CTNNA3: variants seen among roughly 807,000 people sequenced by gnomAD.
The protein encoded by CTNNA3 is catenin alpha-3.
In CTNNA3, 76 loss-of-function variants were observed where a neutral mutation model predicts 95.7. That is an observed-to-expected ratio of 0.79 (90% CI 0.66 to 0.96). The LOEUF is 0.96. CTNNA3 is among the 40% of genes least tolerant of loss of function. The pLI is 0.00. For synonymous variants in CTNNA3, 431 were observed against 374.4 expected (o/e 1.15, Z -1.74); for missense variants, 1,191 against 1,089.8 (o/e 1.09, Z -1.31).
chr10:66,785,504 C>G (rs752786432), intron 7 of CTNNA3, among the ~76,000 whole-genome samples: 2 of 152,176 alleles, frequency 1.3e-5, no homozygotes, highest in Non-Finnish European at 2.9e-5. Context: ...GCATCTTCTC[C>G]TGCCCTCAGA....
chr10:66,506,156 T>C (rs943825087), intron 11 of CTNNA3, among the ~76,000 whole-genome samples: 4 of 152,050 alleles, frequency 2.6e-5, no homozygotes, highest in African/African-American at 9.7e-5. Context: ...GAGTGAGAAT[T>C]CACTCATTAC....
chr10:66,189,055 A>G (rs949948217), intron 13 of CTNNA3, among the ~76,000 whole-genome samples: 79 of 152,132 alleles, frequency 5.2e-4, no homozygotes, highest in African/African-American at 1.9e-3. Flanking sequence ...TCCTTTGCTC[A>G]CTTTTTAAAT....
intron 7 of CTNNA3, among the ~76,000 whole-genome samples, chr10:67,121,346 C>G (rs1589762186): frequency 6.6e-6 from 1 of 151,968 alleles, no homozygotes; most frequent in Non-Finnish European, 1.5e-5. Context: ...CTGATAGACA[C>G]CAGAATAAAT....
At chr10:67,253,241 T>A (rs936087082) in intron 5 of CTNNA3, among the ~76,000 whole-genome samples, 1 of 152,158 alleles carries the variant, frequency 6.6e-6, no homozygotes. Context: ...AGCATAGATG[T>A]GCTAGAGGAA....
intron 10 of CTNNA3, among the ~76,000 whole-genome samples, chr10:66,571,614 G>A (rs550478895): frequency 7.9e-5 from 12 of 152,118 alleles, no homozygotes; most frequent in African/African-American, 2.9e-4. Flanking sequence ...GTTCAAGGTA[G>A]TATACATATG....
At chr10:65,929,630 G>A (rs1227340676) in intron 17 of CTNNA3, among the ~76,000 whole-genome samples, 12 of 150,232 alleles carry the variant, frequency 8.0e-5, no homozygotes, top group Admixed American at 2.0e-4. Context: ...GTACAGTGGC[G>A]CAATCTCGGC....
At chr10:66,017,660 A>C (rs1420173952) in intron 15 of CTNNA3, among the ~76,000 whole-genome samples, 8 of 152,118 alleles carry the variant, frequency 5.3e-5, no homozygotes, top group African/African-American at 1.9e-4. Flanking sequence ...TTTATCATCA[A>C]CAGGCACATT....
At chr10:67,298,508 C>T (rs1053647224) in intron 5 of CTNNA3, among the ~76,000 whole-genome samples, 2 of 152,210 alleles carry the variant, frequency 1.3e-5, no homozygotes, top group African/African-American at 4.8e-5. Context: ...TCTAAAGTTA[C>T]TATAGTACTT....
At chr10:66,818,663 G>A (rs12412374) in intron 7 of CTNNA3, among the ~76,000 whole-genome samples, 3,930 of 152,236 alleles carry the variant, frequency 0.026, 172 homozygotes, top group East Asian at 0.21. Flanking sequence ...TTCTCATGAT[G>A]TCAACAATAT....
At chr10:67,320,198 G>A (rs1841251960) in intron 5 of CTNNA3, among the ~76,000 whole-genome samples, 1 of 152,126 alleles carries the variant, frequency 6.6e-6, no homozygotes. Flanking sequence ...AATCTTCTGA[G>A]CCAAGTTAAT....
At chr10:67,190,003 C>T (rs1164699103) in intron 6 of CTNNA3, among the ~76,000 whole-genome samples, 1 of 152,176 alleles carries the variant, frequency 6.6e-6, no homozygotes, top group African/African-American at 2.4e-5. Flanking sequence ...TATATTAAAT[C>T]ATTTAATGGA....
intron 9 of CTNNA3, among the ~76,000 whole-genome samples, chr10:66,750,263 T>C (rs1410879985): frequency 6.6e-6 from 1 of 152,236 alleles, no homozygotes; most frequent in Non-Finnish European, 1.5e-5. Flanking sequence ...ATCATGACTT[T>C]GATGTTGTAT....
At chr10:67,747,374 A>G (rs556369160) in intron 1 of CTNNA3, among the ~76,000 whole-genome samples, 7 of 152,278 alleles carry the variant, frequency 4.6e-5, no homozygotes, top group African/African-American at 1.7e-4. Context: ...GCATCATGTC[A>G]GTGACCCTTT....
intron 6 of CTNNA3, among the ~76,000 whole-genome samples, chr10:67,198,652 T>G (rs576837818): frequency 2.0e-4 from 30 of 152,340 alleles, no homozygotes; most frequent in African/African-American, 7.2e-4. Context: ...AGGATGTTGC[T>G]GGTGCTGTTC....
At chr10:67,013,864 G>C (rs927580916) in intron 7 of CTNNA3, among the ~76,000 whole-genome samples, 1 of 152,058 alleles carries the variant, frequency 6.6e-6, no homozygotes, top group Non-Finnish European at 1.5e-5. Flanking sequence ...CTCTCACAAG[G>C]ATGTAGATTG....
At position 67,004,642 on chromosome 10, in the gene CTNNA3, T is replaced by A. The variant is rs545472761; in HGVS notation, c.1047+175675A>T. 7.2e-5 allele frequency among the ~76,000 whole-genome samples: 11 copies of A among 152,332 alleles called. No homozygotes were observed. In the South Asian group the frequency reaches 2.3e-3, roughly 32 times the overall value. On this transcript the variant is annotated intron_variant, in intron 7 of 17. Transcript: ENST00000433211. ...TAATCCTACAATAAGTCAAGATAACTGATGGCATTGGCAAGTAGTTGAAAT... is the reference window on the plus strand; with the variant it reads ...TAATCCTACAATAAGTCAAGATAACAGATGGCATTGGCAAGTAGTTGAAAT...
rs566410698 is a variant in CTNNA3, at chr10:66,094,208, T to C, written c.1977+8949A>G. Among the ~76,000 whole-genome samples the C allele has an allele frequency of 3.9e-5, 6 of 151,940 alleles. No homozygotes were observed. In the East Asian group the frequency reaches 7.8e-4, roughly 20 times the overall value. ...ATTGTGTTTCTCAGAGATAATGAAA[T>C]GGTGTGAGGGTGAGCCTGATGGTTG... On this transcript the variant is annotated intron_variant, in intron 14 of 17. Coordinates refer to ENST00000433211, the MANE Select transcript of CTNNA3 (RefSeq NM_013266.4).
At chr10:66,278,976 A>T (rs927046644) in intron 13 of CTNNA3, among the ~76,000 whole-genome samples, 3 of 152,128 alleles carry the variant, frequency 2.0e-5, no homozygotes, top group Non-Finnish European at 1.5e-5. Flanking sequence ...AGACATAGTC[A>T]TTGGTACAGG....
At chr10:66,758,037 T>C (rs893128073) in intron 9 of CTNNA3, among the ~76,000 whole-genome samples, 6 of 152,172 alleles carry the variant, frequency 3.9e-5, no homozygotes, top group Non-Finnish European at 8.8e-5. Context: ...CCCTTTTCTT[T>C]TCTTTTTATT....
Sources: gnomAD v4.1 joint callset for allele counts (sites outside exome capture counted in the v4.1 genomes callset) on GRCh38, gnomAD v4.1.1 for gene constraint, MANE v1.5 for transcripts, NCBI Gene and HGNC (gene_info 2026-07-23, HGNC 2026-07-21) for gene names.